Variants in PLEKHA7 observed in about 807,000 individuals in gnomAD.
PLEKHA7 encodes pleckstrin homology domain-containing family A member 7.
In PLEKHA7, 104 loss-of-function variants were observed where a neutral mutation model predicts 170.0. The observed-to-expected ratio is 0.61, with a 90% CI of 0.52 to 0.72. The LOEUF (loss-of-function observed/expected upper bound fraction) is 0.72, where lower values mean the gene tolerates loss of function less well. Ranked by LOEUF, PLEKHA7 falls within the 30% of genes least tolerant of loss-of-function variation. PLEKHA7 has a pLI of 0.00. For missense variants in PLEKHA7, 1,615 were observed against 1,671.7 expected (o/e 0.97, Z 0.59); for synonymous variants, 648 against 660.8 (o/e 0.98, Z 0.30).
At chr11:16,889,032 C>A (rs947698505) in intron 3 of PLEKHA7, among the ~76,000 whole-genome samples, 1 of 147,578 alleles carries the variant, frequency 6.8e-6, no homozygotes, top group African/African-American at 2.5e-5. Flanking sequence ...TGCACATATA[C>A]ACCCAGATGG....
chr11:16,856,684 C>G (rs183889279), intron 4 of PLEKHA7, among the ~76,000 whole-genome samples: 2 of 152,318 alleles, frequency 1.3e-5, no homozygotes, highest in East Asian at 3.9e-4. Context: ...ACTGAAGAGT[C>G]CTTCTCACCT....
At chr11:16,885,930 G>A (rs760409595) in intron 3 of PLEKHA7, among the ~76,000 whole-genome samples, 1 of 151,608 alleles carries the variant, frequency 6.6e-6, no homozygotes, top group Non-Finnish European at 1.5e-5. Context: ...CCAGGAGGCA[G>A]AGGTTGCAGT....
At chr11:16,871,367 A>C (rs1854831835) in intron 3 of PLEKHA7, among the ~76,000 whole-genome samples, 185 bp from the exon 4 acceptor site, 1 of 152,116 alleles carries the variant, frequency 6.6e-6, no homozygotes. Context: ...AAGCCCAAGA[A>C]TTTCCAGCTC....
intron 4 of PLEKHA7, among the ~76,000 whole-genome samples, chr11:16,863,136 C>G (rs950066472): frequency 1.3e-5 from 2 of 152,098 alleles, no homozygotes; most frequent in African/African-American, 2.4e-5. Flanking sequence ...AGTGATACCC[C>G]GCCCCCGAAC....
chr11:16,948,228 G>T (rs1411806880), intron 3 of PLEKHA7, among the ~76,000 whole-genome samples: 2 of 152,178 alleles, frequency 1.3e-5, no homozygotes, highest in East Asian at 3.8e-4. Flanking sequence ...TAGTTAGGCA[G>T]AAGAAATAAG....
At chr11:16,899,033 A>G (rs947923906) in intron 3 of PLEKHA7, among the ~76,000 whole-genome samples, 2 of 152,236 alleles carry the variant, frequency 1.3e-5, no homozygotes, top group Non-Finnish European at 2.9e-5. Flanking sequence ...TGTGAAACCA[A>G]TCAAGATCTC....
intron 26 of PLEKHA7, 65 bp from the exon 27 acceptor site, chr11:16,779,085 A>T: frequency 1.4e-6 from 1 of 701,840 alleles, no homozygotes; most frequent in Non-Finnish European, 2.6e-6. Context: ...CTGCACACAC[A>T]TGATGGAATG....
intron 25 of PLEKHA7, among the ~76,000 whole-genome samples, chr11:16,783,320 T>G (rs1290964248): frequency 6.6e-6 from 1 of 152,176 alleles, no homozygotes; most frequent in African/African-American, 2.4e-5. Context: ...TTGGCTCTGA[T>G]CCGCTGGTCT....
intron 9 of PLEKHA7, 32 bp from the exon 10 acceptor site, chr11:16,826,622 C>CACAGCCA: frequency 6.4e-7 from 1 of 1,571,200 alleles, no homozygotes; most frequent in Non-Finnish European, 8.7e-7. Context: ...CAGTTTGCTC[C>CACAGCCA]ACAGCCAAGA....
At chr11:16,786,781 A>G in intron 23 of PLEKHA7, 2 of 985,464 alleles carry the variant, frequency 2.0e-6, no homozygotes, top group Non-Finnish European at 2.4e-6. Context: ...CAGGCTCAGA[A>G]TTAATGGAAA....
At chr11:16,930,119 C>A (rs577436134) in intron 3 of PLEKHA7, among the ~76,000 whole-genome samples, 1 of 152,194 alleles carries the variant, frequency 6.6e-6, no homozygotes, top group South Asian at 2.1e-4. Flanking sequence ...ATTTGCTTCA[C>A]ATTTTGAGCT....
At chr11:17,006,458 C>T (rs1212700015) in intron 3 of PLEKHA7, among the ~76,000 whole-genome samples, 1 of 123,514 alleles carries the variant, frequency 8.1e-6, no homozygotes, top group Non-Finnish European at 1.7e-5. Context: ...GAAACCCCAT[C>T]TGTACTAAAA....
intron 3 of PLEKHA7, among the ~76,000 whole-genome samples, chr11:16,973,845 G>A (rs541147058): frequency 6.6e-6 from 1 of 152,026 alleles, no homozygotes; most frequent in Non-Finnish European, 1.5e-5. Context: ...TGTTCAGTCG[G>A]GTGACTATCC....
chr11:16,971,869 G>A (rs757921796), intron 3 of PLEKHA7, among the ~76,000 whole-genome samples: 3 of 151,808 alleles, frequency 2.0e-5, no homozygotes, highest in Non-Finnish European at 4.4e-5. Flanking sequence ...TGTCCTCTAG[G>A]CTGGAGTGCA....
At chr11:16,858,857 C>T (rs981290118) in intron 4 of PLEKHA7, among the ~76,000 whole-genome samples, 7 of 152,176 alleles carry the variant, frequency 4.6e-5, no homozygotes, top group African/African-American at 1.4e-4. Context: ...TGACATTTAA[C>T]TTGACACCCC....
intron 3 of PLEKHA7, among the ~76,000 whole-genome samples, chr11:16,929,982 AAC>A (rs1859815237): frequency 6.6e-6 from 1 of 151,978 alleles, no homozygotes; most frequent in African/African-American, 2.4e-5. Flanking sequence ...CCAGCCTGGC[AAC>A]AGAGTGAGAC....
intron 9 of PLEKHA7, among the ~76,000 whole-genome samples, chr11:16,831,773 T>C (rs1488401160): frequency 1.3e-5 from 2 of 152,220 alleles, no homozygotes; most frequent in African/African-American, 2.4e-5. Flanking sequence ...CAGTGTCTCC[T>C]TGGGTTGTTG....
intron 3 of PLEKHA7, among the ~76,000 whole-genome samples, chr11:16,977,976 T>G (rs1863178600): frequency 6.6e-6 from 1 of 152,072 alleles, no homozygotes; most frequent in South Asian, 2.1e-4. Flanking sequence ...CCTCCCCCTT[T>G]GCCACTCCAA....
At position 16,816,860 on chromosome 11, in the gene PLEKHA7, C is replaced by T. The variant is rs1849795665; in HGVS notation, c.1806G>A (p.Arg602=). 1 of 1,614,026 alleles carries T rather than the reference C, an allele frequency of 6.2e-7. No homozygotes were observed. Among genetic ancestry groups the T allele is most frequent in the South Asian group, 1.1e-5 (1 of 91,086 alleles). ...CCCCCAGCGAGATGTCCACACTCCT[C>T]CTCTGGTCCGGTGGCTTCACTGTGA... The part of the protein sequence containing the change: ...ERVTVKPPDQ[R]RSVDISLGDS... Residue 602 remains arginine, a synonymous_variant, in exon 11 of 27, where the codon AGG becomes AGA. Coordinates refer to ENST00000531066, the MANE Select transcript of PLEKHA7 (RefSeq NM_001329630.2).
Sources: gnomAD v4.1 joint callset for allele counts (sites outside exome capture counted in the v4.1 genomes callset) on GRCh38, gnomAD v4.1.1 for gene constraint, MANE v1.5 for transcripts, NCBI Gene and HGNC (gene_info 2026-07-23, HGNC 2026-07-21) for gene names.